The following AGBL4 variants were observed in gnomAD, a reference collection of about 807,000 sequenced individuals.
The protein encoded by AGBL4 is cytosolic carboxypeptidase 6.
AGBL4 carries 58 observed loss-of-function variants against 66.4 expected under a neutral mutation model. The ratio of observed to expected loss-of-function variants is 0.87; its 90% confidence interval spans 0.71 to 1.09. The LOEUF (loss-of-function observed/expected upper bound fraction) is 1.09, where lower values mean the gene tolerates loss of function less well. Among genes scored for constraint, AGBL4 ranks in the 50% least tolerant of loss-of-function variants. The pLI is 0.00. For missense variants in AGBL4, 579 were observed against 631.0 expected (o/e 0.92, Z 0.88); for synonymous variants, 234 against 222.9 (o/e 1.05, Z -0.44).
intron 3 of AGBL4, among the ~76,000 whole-genome samples, chr1:49,429,378 A>C (rs1195853069): frequency 6.6e-6 from 1 of 152,194 alleles, no homozygotes; most frequent in African/African-American, 2.4e-5. Context: ...GGATGCTATA[A>C]ATAATATATG....
intron 6 of AGBL4, among the ~76,000 whole-genome samples, chr1:48,770,965 G>A (rs188556635): frequency 1.3e-5 from 2 of 152,264 alleles, no homozygotes; most frequent in African/African-American, 4.8e-5. Flanking sequence ...CACCTACAGT[G>A]TTCACTAAAC....
intron 3 of AGBL4, among the ~76,000 whole-genome samples, chr1:49,313,862 T>C (rs1213833634): frequency 6.6e-6 from 1 of 152,220 alleles, no homozygotes. Flanking sequence ...GCAGAAGCTC[T>C]TTAGTTTAAT....
intron 1 of AGBL4, among the ~76,000 whole-genome samples, chr1:49,879,529 C>T (rs987746635): frequency 4.7e-5 from 7 of 147,598 alleles, no homozygotes; most frequent in Admixed American, 2.0e-4. Flanking sequence ...CCGAGAGATC[C>T]GCTGTTAGTC....
At chr1:49,042,636 CA>C (rs1363741566) in intron 5 of AGBL4, among the ~76,000 whole-genome samples, 3 of 152,154 alleles carry the variant, frequency 2.0e-5, no homozygotes, top group Non-Finnish European at 4.4e-5. Context: ...TTGAGGGCCA[CA>C]TCCCAAGGAT....
chr1:48,660,974 C>T (rs942483289), intron 7 of AGBL4, among the ~76,000 whole-genome samples: 1 of 152,192 alleles, frequency 6.6e-6, no homozygotes, highest in Non-Finnish European at 1.5e-5. Flanking sequence ...GACTGTGTAA[C>T]CCTGAGGCTC....
rs567674288 is a variant in AGBL4, at chr1:49,205,964, C to A, written c.377+39806G>T. ...TCTTTGCTCTGATTTAGCCATGGAG[C>A]AAAGCTGCTAGAAAAATAAACTTGA... On this transcript the variant is annotated intron_variant, in intron 4 of 13. Coordinates refer to ENST00000371839, the MANE Select transcript of AGBL4 (RefSeq NM_032785.4). Among the ~76,000 whole-genome samples, 146 of 152,062 alleles carry A rather than the reference C, an allele frequency of 9.6e-4. No homozygotes were observed. In the South Asian group the frequency reaches 0.011, roughly 12 times the overall value.
intron 1 of AGBL4, among the ~76,000 whole-genome samples, chr1:49,887,152 T>TATAC (rs68005185): frequency 0.37 from 54,286 of 145,924 alleles, 13,095 homozygotes; most frequent in Non-Finnish European, 0.53. Flanking sequence ...TATATATATA[T>TATAC]ACATTGTGTG....
Position 48,883,661 on chromosome 1 carries a change from T to C in AGBL4, c.595-16431A>G, listed in dbSNP as rs556449260. ...CTGTGAGATCCTTGAAGGTGAGAAC[T>C]GTGTCCCATTCACCACTGTAGCCCC... On this transcript the variant is annotated intron_variant, in intron 5 of 13. Transcript: ENST00000371839. 1.7e-4 allele frequency among the ~76,000 whole-genome samples: 26 copies of C among 152,316 alleles called. No homozygotes were observed. In the South Asian group the frequency reaches 4.4e-3, roughly 25 times the overall value.
intron 5 of AGBL4, among the ~76,000 whole-genome samples, chr1:49,035,251 C>T (rs983780159): frequency 2.6e-5 from 4 of 152,062 alleles, no homozygotes; most frequent in African/African-American, 9.7e-5. Flanking sequence ...TGGAAGGTAT[C>T]CAAGTCACGC....
intron 6 of AGBL4, among the ~76,000 whole-genome samples, chr1:48,852,012 G>A (rs1045496714): frequency 8.4e-6 from 1 of 118,892 alleles, no homozygotes; most frequent in Non-Finnish European, 1.6e-5. Context: ...TGCCAGATAC[G>A]TACTTTTTTT....
At chr1:48,660,358 C>A (rs1272057842) in intron 7 of AGBL4, among the ~76,000 whole-genome samples, 6 of 152,214 alleles carry the variant, frequency 3.9e-5, no homozygotes, top group Non-Finnish European at 7.3e-5. Context: ...CATGCCTGTT[C>A]CCTGCTCAAG....
chr1:49,661,753 T>C (rs982367112), intron 3 of AGBL4, among the ~76,000 whole-genome samples: 8 of 152,158 alleles, frequency 5.3e-5, no homozygotes, highest in Non-Finnish European at 1.0e-4. Context: ...ATGGTACAAC[T>C]ACTTTGGAAA....
chr1:49,583,497 T>A (rs577582485), intron 3 of AGBL4, among the ~76,000 whole-genome samples: 1 of 152,112 alleles, frequency 6.6e-6, no homozygotes, highest in African/African-American at 2.4e-5. Context: ...TTTTAGCAAA[T>A]TCAAACATCA....
chr1:49,078,756 T>G (rs1644756462), intron 4 of AGBL4, among the ~76,000 whole-genome samples: 1 of 152,182 alleles, frequency 6.6e-6, no homozygotes. Context: ...CTTCAGCACC[T>G]CTTTATTGAC....
intron 2 of AGBL4, among the ~76,000 whole-genome samples, chr1:49,761,614 T>C (rs1008285503): frequency 6.6e-6 from 1 of 152,236 alleles, no homozygotes; most frequent in African/African-American, 2.4e-5. Flanking sequence ...TACAAATCAA[T>C]GTTCTGATAA....
At chr1:49,462,632 A>T (rs1443808674) in intron 3 of AGBL4, among the ~76,000 whole-genome samples, 3 of 151,800 alleles carry the variant, frequency 2.0e-5, no homozygotes, top group Non-Finnish European at 1.5e-5. Context: ...ATTTCATGTC[A>T]CTTTGGAATA....
intron 5 of AGBL4, among the ~76,000 whole-genome samples, chr1:48,893,564 AG>A (rs1411986617): frequency 1.3e-5 from 2 of 151,964 alleles, no homozygotes; most frequent in African/African-American, 4.8e-5. Context: ...GGGCTCCTGT[AG>A]TCCCAGCTAC....
chr1:49,244,533 T>C (rs895044044), intron 4 of AGBL4, among the ~76,000 whole-genome samples: 4 of 151,822 alleles, frequency 2.6e-5, no homozygotes, highest in African/African-American at 9.7e-5. Context: ...AGCCCAACAT[T>C]AATAGAAAAT....
intron 6 of AGBL4, among the ~76,000 whole-genome samples, chr1:48,742,158 G>C (rs576955136): frequency 6.6e-6 from 1 of 152,252 alleles, no homozygotes; most frequent in South Asian, 2.1e-4. Flanking sequence ...CTGTATTCCT[G>C]TTATCTAGCA....
Sources: allele counts gnomAD v4.1 joint callset (sites outside exome capture counted in the v4.1 genomes callset), GRCh38; gene constraint gnomAD v4.1.1; transcripts MANE v1.5; gene names NCBI Gene and HGNC (gene_info 2026-07-23, HGNC 2026-07-21).